ACOXL: variants seen among roughly 807,000 people sequenced by gnomAD.
ACOXL encodes the protein acyl-CoA oxidase like, also known as acyl-coenzyme A oxidase-like protein.
Under a neutral mutation model 71.9 loss-of-function variants are expected in ACOXL, and 70 were observed. That is an observed-to-expected ratio of 0.97 (90% CI 0.80 to 1.19). The LOEUF is 1.19. Ranked by LOEUF, ACOXL falls within the 50% of genes most tolerant of loss-of-function variation. ACOXL has a pLI of 0.00. For missense variants in ACOXL, 703 were observed against 736.3 expected (o/e 0.95, Z 0.52); for synonymous variants, 253 against 281.6 (o/e 0.90, Z 1.02).
At chr2:111,049,410 GA>G (rs2066174390) in intron 16 of ACOXL, 122 bp downstream of exon 16, 2 of 768,794 alleles carry the variant, frequency 2.6e-6, no homozygotes, top group African/African-American at 3.5e-5. Context: ...GCTCCAGGGG[GA>G]TAAGCTTGTC....
At chr2:110,905,214 A>G (rs1432622642) in intron 10 of ACOXL, among the ~76,000 whole-genome samples, 1 of 152,062 alleles carries the variant, frequency 6.6e-6, no homozygotes, top group East Asian at 1.9e-4. Flanking sequence ...GGGTGTGCCA[A>G]GGAGAAGGGG....
chr2:110,896,727 C>T (rs6751930), intron 10 of ACOXL, among the ~76,000 whole-genome samples: 47,395 of 152,022 alleles, frequency 0.31, 7,750 homozygotes, highest in Middle Eastern at 0.38. Context: ...CTGCAAAATA[C>T]GTGAAGTGAA....
At chr2:110,884,164 C>CA (rs1379698270) in intron 10 of ACOXL, among the ~76,000 whole-genome samples, 1 of 151,978 alleles carries the variant, frequency 6.6e-6, no homozygotes, top group Admixed American at 6.6e-5. Context: ...GAAGAAGACC[C>CA]AAAAAAGTGG....
intron 16 of ACOXL, among the ~76,000 whole-genome samples, chr2:111,081,147 C>G (rs965337793): frequency 1.3e-5 from 2 of 152,140 alleles, no homozygotes; most frequent in African/African-American, 4.8e-5. Flanking sequence ...TCCTATTCAA[C>G]ATAGTATTGG....
intron 10 of ACOXL, among the ~76,000 whole-genome samples, chr2:110,876,612 C>T (rs370991635): frequency 1.3e-5 from 2 of 152,270 alleles, no homozygotes; most frequent in East Asian, 1.9e-4. Flanking sequence ...CCGCAGGCAC[C>T]GTGGGGCCTC....
At chr2:111,087,912 A>G (rs889647007) in intron 16 of ACOXL, among the ~76,000 whole-genome samples, 1 of 152,246 alleles carries the variant, frequency 6.6e-6, no homozygotes, top group Non-Finnish European at 1.5e-5. Flanking sequence ...ACAAAGGTCT[A>G]ATATCCAGCA....
At chr2:111,083,716 G>C (rs537541468) in intron 16 of ACOXL, among the ~76,000 whole-genome samples, 3 of 152,112 alleles carry the variant, frequency 2.0e-5, no homozygotes, top group Admixed American at 1.3e-4. Context: ...CTCATACCAG[G>C]CAAGATACTA....
intron 9 of ACOXL, among the ~76,000 whole-genome samples, chr2:110,832,918 T>G (rs1690018597): frequency 6.6e-6 from 1 of 152,204 alleles, no homozygotes; most frequent in Non-Finnish European, 1.5e-5. Flanking sequence ...ATTTATAAAG[T>G]GATAGCGCCA....
intron 3 of ACOXL, among the ~76,000 whole-genome samples, chr2:110,788,021 A>C (rs910985587): frequency 6.6e-6 from 1 of 152,268 alleles, no homozygotes; most frequent in Non-Finnish European, 1.5e-5. Flanking sequence ...TTCTTGGTAC[A>C]TAATAGGTGT....
intron 1 of ACOXL, among the ~76,000 whole-genome samples, chr2:110,761,998 T>A (rs1007333707): frequency 2.6e-5 from 4 of 152,228 alleles, no homozygotes; most frequent in African/African-American, 4.8e-5. Flanking sequence ...TTATCAGTTT[T>A]TGTTTTACAT....
At chr2:111,037,869 G>A (rs2065595501) in intron 15 of ACOXL, among the ~76,000 whole-genome samples, 1 of 152,198 alleles carries the variant, frequency 6.6e-6, no homozygotes, top group Non-Finnish European at 1.5e-5. Context: ...GAGAATGGGG[G>A]TTCTGGTGTT....
chr2:110,806,479 G>T (rs1277193407), intron 9 of ACOXL, among the ~76,000 whole-genome samples: 1 of 152,218 alleles, frequency 6.6e-6, no homozygotes, highest in Non-Finnish European at 1.5e-5. Flanking sequence ...GACAGCATCA[G>T]AGTGCCGAGG....
intron 14 of ACOXL, among the ~76,000 whole-genome samples, chr2:111,025,183 G>A (rs1014024974): frequency 6.6e-6 from 1 of 152,110 alleles, no homozygotes. Context: ...TTATTGTGAA[G>A]TGGTATTCGT....
At chr2:110,974,857 T>G (rs956996403) in intron 12 of ACOXL, among the ~76,000 whole-genome samples, 1 of 152,212 alleles carries the variant, frequency 6.6e-6, no homozygotes, top group Non-Finnish European at 1.5e-5. Context: ...TGGGTTGTTT[T>G]GGGGCTGGAC....
chr2:110,859,788 T>G (rs1375691682), intron 10 of ACOXL, among the ~76,000 whole-genome samples: 1 of 152,188 alleles, frequency 6.6e-6, no homozygotes, highest in Non-Finnish European at 1.5e-5. Flanking sequence ...AGGAGTGTGA[T>G]GCTCACCTTG....
intron 2 of ACOXL, among the ~76,000 whole-genome samples, chr2:110,772,977 T>C (rs1218669311): frequency 2.0e-5 from 3 of 152,190 alleles, no homozygotes; most frequent in Admixed American, 6.5e-5. Flanking sequence ...TGACTATTTT[T>C]CATAAAAATT....
At chr2:111,062,171 G>A (rs924211832) in intron 16 of ACOXL, among the ~76,000 whole-genome samples, 1 of 151,844 alleles carries the variant, frequency 6.6e-6, no homozygotes, top group African/African-American at 2.4e-5. Flanking sequence ...AGCAAGAGCG[G>A]CTATATTAAT....
chr2:110,908,147 G>A (rs180871903), intron 10 of ACOXL, among the ~76,000 whole-genome samples: 245 of 152,342 alleles, frequency 1.6e-3, no homozygotes, highest in Middle Eastern at 3.4e-3. Flanking sequence ...TTGTCCCTGG[G>A]CATTGCCTGT....
chr2:111,064,297 G>A (rs1403610695), intron 16 of ACOXL, among the ~76,000 whole-genome samples: 3 of 152,032 alleles, frequency 2.0e-5, no homozygotes, highest in Non-Finnish European at 2.9e-5. Flanking sequence ...TTAGCCGGGC[G>A]TGGTGGCGGG....
Sources: gnomAD v4.1 joint callset for allele counts (sites outside exome capture counted in the v4.1 genomes callset) on GRCh38, gnomAD v4.1.1 for gene constraint, MANE v1.5 for transcripts, NCBI Gene and HGNC (gene_info 2026-07-23, HGNC 2026-07-21) for gene names.